The following B4GALT6 variants were observed in gnomAD, a reference collection of about 807,000 sequenced individuals.
The protein encoded by B4GALT6 is beta-1,4-galactosyltransferase 6.
B4GALT6 carries 14 observed loss-of-function variants against 46.3 expected under a neutral mutation model. The ratio of observed to expected loss-of-function variants is 0.30; its 90% confidence interval spans 0.20 to 0.47. The LOEUF (loss-of-function observed/expected upper bound fraction) is 0.47, where lower values mean the gene tolerates loss of function less well. Ranked by LOEUF, B4GALT6 falls within the 20% of genes least tolerant of loss-of-function variation. B4GALT6 has a pLI of 0.99. For synonymous variants in B4GALT6, 168 were observed against 162.0 expected, an observed-to-expected ratio of 1.04 and a Z score of -0.28; for missense variants, 386 against 480.1, an observed-to-expected ratio of 0.80 and a Z score of 1.83.
chr18:31,681,749 G>C (rs1361315831), intron 1 of B4GALT6, among the ~76,000 whole-genome samples: 1 of 152,186 alleles, frequency 6.6e-6, no homozygotes, highest in Admixed American at 6.5e-5. Flanking sequence ...CAGAAAACAA[G>C]TAGGGAAAGA....
chr18:31,640,601 A>C (rs1196670346), intron 4 of B4GALT6, among the ~76,000 whole-genome samples: 1 of 152,210 alleles, frequency 6.6e-6, no homozygotes, highest in Non-Finnish European at 1.5e-5. Context: ...AATGGTAGGA[A>C]CTAAAGAGGT....
chr18:31,666,270 G>A lies in B4GALT6; in HGVS notation c.218C>T (p.Thr73Met), dbSNP rs1327576786. 3.1e-6 allele frequency: 5 copies of A among 1,591,902 alleles called. No homozygotes were observed. The highest frequency in any genetic ancestry group is 3.4e-6 in the Non-Finnish European group (4 of 1,165,612). Residue 73 changes from threonine to methionine, a missense_variant, in exon 2 of 9, where the codon ACG becomes ATG. By Grantham distance (81) the Thr-to-Met change is moderately conservative (BLOSUM62 -1). Coordinates refer to ENST00000306851, the MANE Select transcript of B4GALT6 (RefSeq NM_004775.5). ...AGTAGTCTTACCTGTACCGTTGAGC[G>A]TACTGTTTTTATTTGTGTACAGCCT... ...MIRLYTNKNS[T>M]LNGTDYPEGN...
intron 1 of B4GALT6, among the ~76,000 whole-genome samples, chr18:31,684,019 C>A (rs560138756): frequency 6.6e-6 from 1 of 152,312 alleles, no homozygotes; most frequent in South Asian, 2.1e-4. Flanking sequence ...CATGAACACT[C>A]AAGAAAGCGA....
chr18:31,691,985 G>A, the B4GALT6 span, among the ~76,000 whole-genome samples: 1 of 151,834 alleles, frequency 6.6e-6, no homozygotes, highest in Admixed American at 6.6e-5. Flanking sequence ...TGACCAATAA[G>A]GAACAACTAG....
the B4GALT6 span, among the ~76,000 whole-genome samples, chr18:31,703,492 G>A: frequency 6.6e-6 from 1 of 152,172 alleles, no homozygotes. Context: ...TTCCTGTTTG[G>A]ATTGTTTTAG....
chr18:31,721,902 G>A, the B4GALT6 span, among the ~76,000 whole-genome samples: 2 of 152,050 alleles, frequency 1.3e-5, no homozygotes, highest in African/African-American at 4.8e-5. Flanking sequence ...GTGTGTGTGT[G>A]TGTATGTGTG....
chr18:31,637,684 C>T (rs549389693), intron 5 of B4GALT6, among the ~76,000 whole-genome samples: 4 of 152,182 alleles, frequency 2.6e-5, no homozygotes, highest in South Asian at 4.2e-4. Flanking sequence ...AATCCTCAAT[C>T]GAGAATTAAC....
chr18:31,712,454 C>A, the B4GALT6 span, among the ~76,000 whole-genome samples: 2 of 151,884 alleles, frequency 1.3e-5, no homozygotes, highest in African/African-American at 4.8e-5. Flanking sequence ...AGGTGCCCAC[C>A]ACCACGCCCA....
At chr18:31,636,372 A>G (rs1230944731) in intron 5 of B4GALT6, among the ~76,000 whole-genome samples, 1 of 152,234 alleles carries the variant, frequency 6.6e-6, no homozygotes, top group Non-Finnish European at 1.5e-5. Context: ...ATGTCTTACA[A>G]AAGACTTGTA....
the B4GALT6 span, among the ~76,000 whole-genome samples, chr18:31,704,911 C>T: frequency 6.6e-6 from 1 of 152,074 alleles, no homozygotes; most frequent in Non-Finnish European, 1.5e-5. Context: ...CATAGGCATA[C>T]AAAGTTAAAT....
the B4GALT6 span, among the ~76,000 whole-genome samples, chr18:31,709,865 G>A: frequency 6.6e-6 from 1 of 151,958 alleles, no homozygotes; most frequent in Non-Finnish European, 1.5e-5. Flanking sequence ...AGCCAAGGCA[G>A]GCCGATCATC....
At chr18:31,717,297 AG>A in the B4GALT6 span, among the ~76,000 whole-genome samples, 2 of 152,218 alleles carry the variant, frequency 1.3e-5, no homozygotes, top group African/African-American at 4.8e-5. Context: ...AATACTATTT[AG>A]CAATAAACTC....
upstream of B4GALT6, among the ~76,000 whole-genome samples, chr18:31,685,013 G>A (rs2074529419): frequency 6.8e-6 from 1 of 146,408 alleles, no homozygotes; most frequent in Non-Finnish European, 1.5e-5. Flanking sequence ...ACCAGCGCGC[G>A]CCACGCGCGG....
chr18:31,686,974 G>A (rs1234088796), upstream of B4GALT6, among the ~76,000 whole-genome samples: 1 of 152,218 alleles, frequency 6.6e-6, no homozygotes, highest in East Asian at 1.9e-4. Flanking sequence ...TGAGAGAGAA[G>A]TAGTAACATT....
At chr18:31,670,894 C>T (rs912668792) in intron 1 of B4GALT6, among the ~76,000 whole-genome samples, 1 of 151,956 alleles carries the variant, frequency 6.6e-6, no homozygotes, top group African/African-American at 2.4e-5. Flanking sequence ...AATGTTATCC[C>T]TCCCCTAGTC....
At chr18:31,721,332 T>TAA in the B4GALT6 span, among the ~76,000 whole-genome samples, 1 of 151,198 alleles carries the variant, frequency 6.6e-6, no homozygotes, top group Non-Finnish European at 1.5e-5. Flanking sequence ...ACTTAAAGTA[T>TAA]AAAAAAAAAC....
chr18:31,700,589 T>C, the B4GALT6 span, among the ~76,000 whole-genome samples: 1 of 152,044 alleles, frequency 6.6e-6, no homozygotes, highest in South Asian at 2.1e-4. Context: ...CTCAAGTAGC[T>C]GGGACTACAG....
chr18:31,686,463 A>G (rs980157808), upstream of B4GALT6: 10 of 152,222 alleles, frequency 6.6e-5, no homozygotes, highest in African/African-American at 2.2e-4. Flanking sequence ...GATTAAATGG[A>G]TAACTGTGCA....
At chr18:31,635,496 T>A (rs978302360) in intron 5 of B4GALT6, among the ~76,000 whole-genome samples, 2 of 151,988 alleles carry the variant, frequency 1.3e-5, no homozygotes, top group African/African-American at 2.4e-5. Flanking sequence ...CACACAGAAG[T>A]ATGGTATGTT....
Sources: gnomAD v4.1 joint callset for allele counts (sites outside exome capture counted in the v4.1 genomes callset) on GRCh38, gnomAD v4.1.1 for gene constraint, MANE v1.5 for transcripts, NCBI Gene and HGNC (gene_info 2026-07-23, HGNC 2026-07-21) for gene names.